Variants in DEF6 observed in about 807,000 individuals in gnomAD.
DEF6 encodes the protein DEF6 guanine nucleotide exchange factor, also known as differentially expressed in FDCP 6 homolog.
DEF6 carries 32 observed loss-of-function variants against 80.5 expected under a neutral mutation model. The ratio of observed to expected loss-of-function variants is 0.40; its 90% CI spans 0.30 to 0.53. The LOEUF (loss-of-function observed/expected upper bound fraction) is 0.53. Among genes scored for constraint, DEF6 ranks in the 20% least tolerant of loss-of-function variants. The pLI is 0.57. For synonymous variants in DEF6, 300 were observed against 337.9 expected (o/e 0.89, Z 1.23); for missense variants, 575 against 818.7 (o/e 0.70, Z 3.63).
intron 1 of DEF6, among the ~76,000 whole-genome samples, chr6:35,298,667 G>C (rs965458091): frequency 6.6e-6 from 1 of 152,188 alleles, no homozygotes; most frequent in African/African-American, 2.4e-5. Flanking sequence ...TTTCTGGGAG[G>C]CCAAGGAGTT....
intron 5 of DEF6, among the ~76,000 whole-genome samples, chr6:35,315,357 G>A (rs561639966): frequency 7.2e-5 from 11 of 152,122 alleles, no homozygotes; most frequent in South Asian, 4.2e-4. Context: ...TGGCCAGTTC[G>A]TAGTGTATTT....
At chr6:35,305,565 G>T (rs535496003) in intron 1 of DEF6, among the ~76,000 whole-genome samples, 17 of 150,852 alleles carry the variant, frequency 1.1e-4, no homozygotes, top group South Asian at 6.3e-4. Flanking sequence ...TTTTTGTGGG[G>T]GTGTGTGTGT....
At position 35,318,048 on chromosome 6, in the gene DEF6, A is replaced by G; in HGVS notation, c.916+49A>G. ...GGTCTGGGTGGTCCTTAGGCGCCTCATCTGTGAAAAGGGGGTGATAATACT... is the reference window on the plus strand; with the variant it reads ...GGTCTGGGTGGTCCTTAGGCGCCTCGTCTGTGAAAAGGGGGTGATAATACT... On this transcript the variant is annotated intron_variant, in intron 6 of 10. Coordinates refer to ENST00000316637, the MANE Select transcript of DEF6 (RefSeq NM_022047.4). This position sits in a 1 kb window ranked among gnomAD's most constrained non-coding sequence, Gnocchi z 5.1. The G allele has an allele frequency of 6.3e-7, 1 of 1,574,940 alleles. No homozygotes were observed. Among genetic ancestry groups the G allele is most frequent in the Non-Finnish European group, 8.6e-7 (1 of 1,159,108 alleles).
chr6:35,311,147 C>A (rs12332985), intron 3 of DEF6, among the ~76,000 whole-genome samples: 7,910 of 152,198 alleles, frequency 0.052, 647 homozygotes, highest in African/African-American at 0.17. Context: ...GATAGGGCAT[C>A]CTGGGAGAAA....
rs1481916273 is a variant in DEF6, at chr6:35,318,559, G to A, written c.1215+88G>A. The A allele has an allele frequency of 7.9e-6, 10 of 1,271,958 alleles. No individual in the cohort carries two copies. The African/African-American group carries it at 1.6e-4, about 20-fold the overall frequency. 78.8% of individuals were successfully genotyped at this position (1,271,958 alleles called of 1,614,324 possible). The stretch of plus-strand genomic sequence containing the variant: ...GCGCCGGGGGCGGGGCCTGGGCAGA[G>A]GGCGGAGCTCCTGGGTTGAGGGGCG... On this transcript the variant is annotated intron_variant, in intron 7 of 10. Transcript: ENST00000316637. The surrounding 1 kb of genome is among the most constrained non-coding windows in gnomAD (Gnocchi z 5.1).
intron 5 of DEF6, among the ~76,000 whole-genome samples, chr6:35,313,138 C>G (rs1169411752): frequency 6.7e-6 from 1 of 149,654 alleles, no homozygotes; most frequent in Non-Finnish European, 1.5e-5. Context: ...CTTCCCTATT[C>G]TCCTTCCATA....
chr6:35,307,525 T>C (rs1237836837), intron 1 of DEF6, among the ~76,000 whole-genome samples: 1 of 152,210 alleles, frequency 6.6e-6, no homozygotes, highest in Non-Finnish European at 1.5e-5. Flanking sequence ...CTTGAGGTGG[T>C]CACCCTGGGT....
chr6:35,312,634 G>T lies in DEF6; in HGVS notation c.669G>T (p.Leu223=). Residue 223 remains leucine, a synonymous_variant, in exon 5 of 11, where the codon CTG becomes CTT. Coordinates refer to ENST00000316637, the MANE Select transcript of DEF6 (RefSeq NM_022047.4). This position sits in a 1 kb window ranked among gnomAD's most constrained non-coding sequence, Gnocchi z 6.6. ...LIQDVLKQGY[L]WKRGHLRRNW... ...GTAACTCCGGCTGGCAGGGCTACCT[G>T]TGGAAGCGAGGGCACCTGAGAAGGA... 1 of 1,614,218 alleles carries T rather than the reference G, an allele frequency of 6.2e-7. No homozygotes were observed. The highest frequency in any genetic ancestry group is 8.5e-7 in the Non-Finnish European group (1 of 1,180,022).
At chr6:35,304,806 A>G (rs1037174495) in intron 1 of DEF6, among the ~76,000 whole-genome samples, 4 of 152,006 alleles carry the variant, frequency 2.6e-5, no homozygotes, top group Admixed American at 2.6e-4. Flanking sequence ...TGAACAGCAA[A>G]AGAATATTAT....
At position 35,318,445 on chromosome 6, in the gene DEF6, G is replaced by C. The variant is rs1306068934; in HGVS notation, c.1189G>C (p.Glu397Gln). ...SQHRELQQALEGQLREAEQAR... is the reference protein window; with the variant it reads ...SQHRELQQALQGQLREAEQAR... Reference sequence around the variant, plus strand: ...GCACCGCGAGCTGCAGCAGGCGCTCGAGGGCCAACTGCGCGAGGCGGAGCA... The same window carrying C: ...GCACCGCGAGCTGCAGCAGGCGCTCCAGGGCCAACTGCGCGAGGCGGAGCA... Residue 397 changes from glutamate to glutamine, a missense_variant, in exon 7 of 11, where the codon GAG becomes CAG. Coordinates refer to ENST00000316637, the MANE Select transcript of DEF6 (RefSeq NM_022047.4). The surrounding 1 kb of genome is among the most constrained non-coding windows in gnomAD (Gnocchi z 5.1). The C allele has an allele frequency of 4.7e-6, 7 of 1,480,012 alleles. No individual in the cohort carries two copies. Among genetic ancestry groups the C allele is most frequent in the Non-Finnish European group, 6.2e-6 (7 of 1,123,480 alleles). 91.7% of individuals were successfully genotyped at this position (1,480,012 alleles called of 1,614,324 possible). A position where few individuals can be genotyped will look rare whatever the true frequency, so the allele number is the denominator to read the frequency against.
chr6:35,308,743 A>G (rs1259528908), intron 1 of DEF6, among the ~76,000 whole-genome samples: 1 of 149,146 alleles, frequency 6.7e-6, no homozygotes, highest in Non-Finnish European at 1.5e-5. Context: ...AAATAATAAA[A>G]TAAAATAAAA....
chr6:35,310,130 C>A (rs1411159856), intron 2 of DEF6, among the ~76,000 whole-genome samples: 3 of 152,186 alleles, frequency 2.0e-5, no homozygotes, highest in Admixed American at 6.5e-5. Context: ...CCCCTGAACT[C>A]CCCCTCCAAC....
At chr6:35,301,611 A>G (rs753017712) in intron 1 of DEF6, among the ~76,000 whole-genome samples, 7 of 152,066 alleles carry the variant, frequency 4.6e-5, no homozygotes, top group Non-Finnish European at 8.8e-5. Context: ...AGCAGGTGAC[A>G]CAGCTAATCC....
rs77945592 is a variant in DEF6, at chr6:35,299,803, C to T, written c.96+1851C>T. On this transcript the variant is annotated intron_variant, in intron 1 of 10. Transcript: ENST00000316637. ...TCTCAGGGGCCAAGTGGGGGTGGGG[C>T]GGAAATGGCGGGGCTCCTTTCAAGC... Among the ~76,000 whole-genome samples, 1,003 of 150,496 alleles carry T rather than the reference C, an allele frequency of 6.7e-3. 7 individuals carry two copies. The highest frequency in any genetic ancestry group is 0.018 in the African/African-American group (743 of 40,794).
rs1339981712 is a variant in DEF6 at position 35,308,727 on chromosome 6, TA to T, written c.97-940del. Among the ~76,000 whole-genome samples the T allele has an allele frequency of 1.5e-3, 179 of 118,438 alleles. 1 individual carries two copies. Among genetic ancestry groups the T allele is most frequent in the Non-Finnish European group, 1.5e-3 (82 of 55,808 alleles). 77.7% of individuals were successfully genotyped at this position (118,438 alleles called of 152,430 possible). A position where few individuals can be genotyped will look rare whatever the true frequency, so the allele number is the denominator to read the frequency against. ...TAAAATAAAATAAAATAAAATAAAATAAATAAAATAATAAAATAAAATAAAA... is the reference window on the plus strand; with the variant it reads ...TAAAATAAAATAAAATAAAATAAAATAATAAAATAATAAAATAAAATAAAA... On this transcript the variant is annotated intron_variant, in intron 1 of 10. Coordinates refer to ENST00000316637, the MANE Select transcript of DEF6 (RefSeq NM_022047.4).
chr6:35,298,576 CAGGT>C (rs1393528999), intron 1 of DEF6, among the ~76,000 whole-genome samples: 2 of 152,166 alleles, frequency 1.3e-5, no homozygotes, highest in Non-Finnish European at 2.9e-5. Flanking sequence ...CTTGAGACCT[CAGGT>C]AGGGAAGGGG....
intron 5 of DEF6, chr6:35,313,375 C>T (rs1395614618): frequency 4.9e-6 from 2 of 407,034 alleles, no homozygotes; most frequent in Admixed American, 3.5e-5. Context: ...TTTCAGGGTA[C>T]ATGTGATAAT....
chr6:35,317,808 G>A, intron 5 of DEF6, 83 bp from the exon 6 acceptor site: 1 of 1,219,900 alleles, frequency 8.2e-7, no homozygotes, highest in South Asian at 1.4e-5. Flanking sequence ...GAGGGCTAGG[G>A]GCTTGAGCTG....
intron 1 of DEF6, among the ~76,000 whole-genome samples, chr6:35,306,679 T>A (rs1791394992): frequency 6.6e-6 from 1 of 152,280 alleles, no homozygotes; most frequent in Non-Finnish European, 1.5e-5. Context: ...TTTCATATAA[T>A]TCGACCTAAT....
Sources: allele counts gnomAD v4.1 joint callset (sites outside exome capture counted in the v4.1 genomes callset), GRCh38; gene constraint gnomAD v4.1.1; non-coding constraint Gnocchi (gnomAD v3.1); transcripts MANE v1.5; gene names NCBI Gene and HGNC (gene_info 2026-07-23, HGNC 2026-07-21).